Variants in GSE1 observed in about 807,000 individuals in gnomAD.
GSE1 encodes Gse1 coiled-coil protein, also known as genetic suppressor element 1.
GSE1 carries 32 observed loss-of-function variants against 112.6 expected under a neutral mutation model. That is an observed-to-expected ratio of 0.28 (90% CI 0.21 to 0.38). The LOEUF is 0.38. GSE1 is among the 10% of genes least tolerant of loss of function. The pLI, the probability that GSE1 is intolerant of heterozygous loss-of-function variation, is 1.00. For missense variants in GSE1, 2,348 were observed against 1,699.2 expected, an observed-to-expected ratio of 1.38 and a Z score of -6.71; for synonymous variants, 1,115 against 735.6, an observed-to-expected ratio of 1.52 and a Z score of -8.35.
intron 1 of GSE1, among the ~76,000 whole-genome samples, chr16:85,218,216 C>G (rs569707172): frequency 2.0e-4 from 30 of 152,224 alleles, no homozygotes; most frequent in African/African-American, 5.5e-4. Flanking sequence ...TCAGCCTCAT[C>G]TGAAGCTCAC....
intron 1 of GSE1, among the ~76,000 whole-genome samples, chr16:85,298,367 C>T (rs1449694052): frequency 6.6e-6 from 1 of 152,190 alleles, no homozygotes; most frequent in Non-Finnish European, 1.5e-5. Flanking sequence ...GAGTCACCCG[C>T]TGAGCAGGGC....
At chr16:85,322,310 A>T (rs565477690) in intron 1 of GSE1, among the ~76,000 whole-genome samples, 1 of 152,144 alleles carries the variant, frequency 6.6e-6, no homozygotes, top group Non-Finnish European at 1.5e-5. Context: ...GCGGGGGGGA[A>T]GGTGGCAGTG....
At chr16:85,569,450 GC>G (rs1444412480) in intron 1 of GSE1, among the ~76,000 whole-genome samples, 1 of 152,226 alleles carries the variant, frequency 6.6e-6, no homozygotes, top group Admixed American at 6.5e-5. Flanking sequence ...AACTCTCTGG[GC>G]CTCAGTTTAC....
chr16:85,550,685 T>A (rs1439903231), intron 2 of GSE1, among the ~76,000 whole-genome samples: 1 of 152,202 alleles, frequency 6.6e-6, no homozygotes, highest in East Asian at 1.9e-4. Flanking sequence ...AGCCTCAGTT[T>A]TCCCAGCACG....
intron 1 of GSE1, among the ~76,000 whole-genome samples, chr16:85,224,514 G>A (rs1299972762): frequency 6.6e-6 from 1 of 152,060 alleles, no homozygotes; most frequent in Non-Finnish European, 1.5e-5. Flanking sequence ...CCTGGATGCT[G>A]AGCTTTTGGC....
intron 1 of GSE1, among the ~76,000 whole-genome samples, chr16:85,179,181 T>C (rs1486871698): frequency 6.6e-6 from 1 of 152,104 alleles, no homozygotes; most frequent in Non-Finnish European, 1.5e-5. Context: ...CACCCACCCC[T>C]GGCACCCACT....
chr16:85,468,063 C>T (rs941988325), intron 2 of GSE1, among the ~76,000 whole-genome samples: 1 of 152,184 alleles, frequency 6.6e-6, no homozygotes, highest in Admixed American at 6.5e-5. Context: ...GGAGTGACCC[C>T]CTGGCCTCCT....
chr16:85,249,319 C>T (rs1216515135), intron 1 of GSE1, among the ~76,000 whole-genome samples: 1 of 152,230 alleles, frequency 6.6e-6, no homozygotes, highest in Admixed American at 6.5e-5. Flanking sequence ...TAGCGGGGAC[C>T]CCTCGCAGAA....
intron 1 of GSE1, among the ~76,000 whole-genome samples, chr16:85,172,927 C>T (rs561308198): frequency 2.6e-5 from 4 of 152,236 alleles, no homozygotes; most frequent in South Asian, 2.1e-4. Flanking sequence ...TCCCCCGATA[C>T]GCGGCCCCTG....
intron 2 of GSE1, among the ~76,000 whole-genome samples, chr16:85,480,736 C>G (rs2050649592): frequency 6.6e-6 from 1 of 152,170 alleles, no homozygotes; most frequent in African/African-American, 2.4e-5. Flanking sequence ...TGGGGCCAGA[C>G]TGGGTGGCCA....
intron 1 of GSE1, among the ~76,000 whole-genome samples, chr16:85,625,285 G>C (rs1186638126): frequency 6.6e-6 from 1 of 152,232 alleles, no homozygotes. Flanking sequence ...GCTGCCATCT[G>C]TTGCCTGACT....
At chr16:85,486,003 TA>T (rs1160912093) in intron 2 of GSE1, among the ~76,000 whole-genome samples, 1 of 152,190 alleles carries the variant, frequency 6.6e-6, no homozygotes, top group African/African-American at 2.4e-5. Flanking sequence ...AGAAGCCTGC[TA>T]GGGGGTGTCA....
At chr16:85,541,158 G>A (rs2044504100) in intron 2 of GSE1, among the ~76,000 whole-genome samples, 1 of 152,220 alleles carries the variant, frequency 6.6e-6, no homozygotes, top group Admixed American at 6.5e-5. Context: ...GAGGAGACCA[G>A]CATGGAGGAA....
chr16:85,522,664 C>T (rs573090731), intron 2 of GSE1, among the ~76,000 whole-genome samples: 4 of 152,276 alleles, frequency 2.6e-5, no homozygotes, highest in African/African-American at 4.8e-5. Context: ...AGGCCGGCTC[C>T]GAGTCCGTGA....
At chr16:85,586,121 G>A (rs2046679148) in intron 1 of GSE1, among the ~76,000 whole-genome samples, 1 of 152,166 alleles carries the variant, frequency 6.6e-6, no homozygotes, top group Non-Finnish European at 1.5e-5. Context: ...TCATCATTCT[G>A]CTGTCTGCAT....
chr16:85,562,461 C>G (rs191475493), intron 1 of GSE1, among the ~76,000 whole-genome samples: 1 of 151,870 alleles, frequency 6.6e-6, no homozygotes, highest in East Asian at 2.0e-4. Flanking sequence ...TGGAAACTCT[C>G]TTCTTATCTC....
chr16:85,474,239 A>G (rs1420636344), intron 2 of GSE1, among the ~76,000 whole-genome samples: 1 of 152,038 alleles, frequency 6.6e-6, no homozygotes, highest in Non-Finnish European at 1.5e-5. Context: ...CTCTCCATGC[A>G]GGGAGAGCCG....
At chr16:85,259,598 C>T (rs1021764434) in intron 1 of GSE1, among the ~76,000 whole-genome samples, 2 of 152,198 alleles carry the variant, frequency 1.3e-5, no homozygotes, top group Admixed American at 6.5e-5. Context: ...AGCTGCTTGT[C>T]CTGCTGCTGG....
At chr16:85,668,526 G>A (rs972544811) in intron 14 of GSE1, 102 bp downstream of exon 14, 3 of 776,526 alleles carry the variant, frequency 3.9e-6, no homozygotes, top group South Asian at 3.6e-5. Context: ...CCTGGGGACT[G>A]TTTCTCCGTC....
Sources: allele counts gnomAD v4.1 joint callset (sites outside exome capture counted in the v4.1 genomes callset), GRCh38; gene constraint gnomAD v4.1.1; transcripts MANE v1.5; gene names NCBI Gene and HGNC (gene_info 2026-07-23, HGNC 2026-07-21).